GPC5: variants seen among roughly 807,000 people sequenced by gnomAD.
GPC5 encodes glypican-5.
In GPC5, 47 loss-of-function variants were observed where a neutral mutation model predicts 53.9. That is an observed-to-expected ratio of 0.87 (90% confidence interval 0.69 to 1.11). GPC5 has a LOEUF of 1.11. GPC5 is among the 50% of genes most tolerant of loss of function. GPC5 has a pLI of 0.00. For missense variants in GPC5, 748 were observed against 713.1 expected, an observed-to-expected ratio of 1.05 and a Z score of -0.56; for synonymous variants, 286 against 263.3, an observed-to-expected ratio of 1.09 and a Z score of -0.84.
At chr13:92,246,418 A>C (rs560105401) in intron 7 of GPC5, among the ~76,000 whole-genome samples, 4 of 152,254 alleles carry the variant, frequency 2.6e-5, no homozygotes, top group African/African-American at 7.2e-5. Flanking sequence ...GGTAGGAGGG[A>C]GAATCTTAGC....
intron 5 of GPC5, among the ~76,000 whole-genome samples, chr13:91,799,526 T>C (rs1412517815): frequency 6.6e-6 from 1 of 151,554 alleles, no homozygotes; most frequent in Non-Finnish European, 1.5e-5. Context: ...TTTCAAAATT[T>C]ATTTACCTCT....
At chr13:92,864,588 G>A (rs1879284032) in intron 7 of GPC5, among the ~76,000 whole-genome samples, 1 of 151,816 alleles carries the variant, frequency 6.6e-6, no homozygotes, top group Non-Finnish European at 1.5e-5. Flanking sequence ...TTAATTGCCT[G>A]GAGTCCTCAT....
intron 7 of GPC5, among the ~76,000 whole-genome samples, chr13:92,160,957 T>C: frequency 6.6e-6 from 1 of 152,116 alleles, no homozygotes. Flanking sequence ...GCATACCAAC[T>C]AGTTTTAATC....
chr13:91,479,094 G>A (rs1338197019), intron 2 of GPC5, among the ~76,000 whole-genome samples: 2 of 151,112 alleles, frequency 1.3e-5, no homozygotes, highest in East Asian at 2.0e-4. Context: ...TTGTATTTTA[G>A]TAGAGATGGG....
At chr13:92,450,136 A>G (rs1878000165) in intron 7 of GPC5, among the ~76,000 whole-genome samples, 1 of 152,160 alleles carries the variant, frequency 6.6e-6, no homozygotes, top group South Asian at 2.1e-4. Flanking sequence ...ATGAACCTTG[A>G]AAGACTAAGA....
intron 7 of GPC5, among the ~76,000 whole-genome samples, chr13:92,273,034 C>T (rs1317815087): frequency 6.6e-6 from 1 of 152,042 alleles, no homozygotes; most frequent in Non-Finnish European, 1.5e-5. Flanking sequence ...AGAGGTGACA[C>T]CACCAAATTT....
At chr13:92,301,476 A>G (rs2043075078) in intron 7 of GPC5, among the ~76,000 whole-genome samples, 1 of 152,058 alleles carries the variant, frequency 6.6e-6, no homozygotes, top group Non-Finnish European at 1.5e-5. Context: ...CAAAATACCG[A>G]CTCTTCATTT....
At chr13:92,380,774 G>A (rs9589527) in intron 7 of GPC5, among the ~76,000 whole-genome samples, 8,272 of 115,194 alleles carry the variant, frequency 0.072, 453 homozygotes, top group African/African-American at 0.17. Flanking sequence ...GGGGGGAGGG[G>A]GGAGGGATAG....
At chr13:92,083,872 C>T (rs1299454669) in intron 6 of GPC5, among the ~76,000 whole-genome samples, 1 of 152,072 alleles carries the variant, frequency 6.6e-6, no homozygotes, top group African/African-American at 2.4e-5. Flanking sequence ...GGAATCAACC[C>T]AAATGACCAT....
chr13:92,375,003 G>A (rs2043682700), intron 7 of GPC5, among the ~76,000 whole-genome samples: 1 of 152,212 alleles, frequency 6.6e-6, no homozygotes, highest in South Asian at 2.1e-4. Context: ...CAGATTTAAG[G>A]ATATAATACT....
intron 2 of GPC5, among the ~76,000 whole-genome samples, chr13:91,471,017 T>C (rs1882585475): frequency 6.6e-6 from 1 of 152,134 alleles, no homozygotes; most frequent in Non-Finnish European, 1.5e-5. Flanking sequence ...GAAGACCTTA[T>C]GTTAAAAAAA....
intron 2 of GPC5, among the ~76,000 whole-genome samples, chr13:91,530,136 A>T (rs1156943167): frequency 6.6e-6 from 1 of 152,196 alleles, no homozygotes. Context: ...CTTCTTCAAC[A>T]TCTGCAAACT....
chr13:92,309,057 G>A (rs2043129359), intron 7 of GPC5, among the ~76,000 whole-genome samples: 1 of 151,950 alleles, frequency 6.6e-6, no homozygotes, highest in Non-Finnish European at 1.5e-5. Context: ...AACAACACTA[G>A]CACTTTTTTA....
chr13:91,545,288 T>C (rs925094822), intron 2 of GPC5, among the ~76,000 whole-genome samples: 42 of 152,328 alleles, frequency 2.8e-4, no homozygotes, highest in African/African-American at 9.9e-4. Flanking sequence ...AACTTTATCA[T>C]TTTAAAATTC....
intron 1 of GPC5, among the ~76,000 whole-genome samples, chr13:91,439,294 A>G (rs1438632568): frequency 6.6e-6 from 1 of 152,272 alleles, no homozygotes; most frequent in Non-Finnish European, 1.5e-5. Context: ...GAGTTCAGGA[A>G]TGCTGCTAAG....
At chr13:91,444,797 A>T (rs776562730) in intron 1 of GPC5, among the ~76,000 whole-genome samples, 5 of 152,198 alleles carry the variant, frequency 3.3e-5, no homozygotes, top group Non-Finnish European at 7.4e-5. Flanking sequence ...CTTTTCTATC[A>T]TGGGTCGATA....
In GPC5 at chr13:91,693,541, A is replaced by G; in HGVS notation, c.680A>G (p.Gln227Arg). Reference protein sequence around the residue: ...RSLLPSRTFLQALNLGIEVIN... With the variant: ...RSLLPSRTFLRALNLGIEVIN... ...CTGCTGCCCAGCCGCACTTTTCTGC[A>G]GGCACTCAATCTGGGCATTGAAGTC... Residue 227 changes from glutamine to arginine, a missense_variant, in exon 3 of 8, where the codon CAG becomes CGG. Transcript: ENST00000377067. The G allele has an allele frequency of 6.2e-7, 1 of 1,614,106 alleles. No homozygotes were observed.
chr13:92,242,985 C>T (rs545117557), intron 7 of GPC5, among the ~76,000 whole-genome samples: 18 of 152,300 alleles, frequency 1.2e-4, no homozygotes, highest in African/African-American at 4.3e-4. Flanking sequence ...GTACATTCTG[C>T]ACTTCAGTCT....
chr13:91,997,529 G>T (rs944430166), intron 6 of GPC5, among the ~76,000 whole-genome samples: 5 of 151,982 alleles, frequency 3.3e-5, no homozygotes, highest in African/African-American at 1.2e-4. Flanking sequence ...TTGTTTGTTT[G>T]TTTGTTTAAG....
Sources: gnomAD v4.1 joint callset for allele counts (sites outside exome capture counted in the v4.1 genomes callset) on GRCh38, gnomAD v4.1.1 for gene constraint, MANE v1.5 for transcripts, NCBI Gene and HGNC (gene_info 2026-07-23, HGNC 2026-07-21) for gene names.